The following SAMMSON variants were observed in gnomAD, a reference collection of about 807,000 sequenced individuals.
The protein encoded by SAMMSON is survival associated mitochondrial melanoma specific oncogenic non-coding RNA.
chr3:70,397,095 G>C (rs1701099130), intron 2 of SAMMSON, among the ~76,000 whole-genome samples: 1 of 152,096 alleles, frequency 6.6e-6, no homozygotes, highest in African/African-American at 2.4e-5. Context: ...CTCTTTAATA[G>C]CTAATGTAAT....
At chr3:70,356,023 A>G (rs1702826925) in intron 8 of SAMMSON, among the ~76,000 whole-genome samples, 2 of 152,196 alleles carry the variant, frequency 1.3e-5, no homozygotes, top group Admixed American at 6.6e-5. Context: ...ATCAATATAC[A>G]TCAATAGGAT....
At chr3:70,278,657 G>C (rs1324022148) in intron 6 of SAMMSON, among the ~76,000 whole-genome samples, 1 of 152,052 alleles carries the variant, frequency 6.6e-6, no homozygotes, top group Admixed American at 6.6e-5. Context: ...TGTCTTTTAT[G>C]TACAACTGAG....
rs1244409633 is a variant in SAMMSON, at chr3:70,258,101, C to T, written n.674+8431C>T. On this transcript the variant is annotated intron_variant and non_coding_transcript_variant, in intron 6 of 9. Coordinates refer to ENST00000642114, the Ensembl canonical transcript of SAMMSON. ...TCATAAGGAAAAGTTAAATGAATCC[C>T]AACTTTCATTTCACATCATAGACAA... Among the ~76,000 whole-genome samples the T allele has an allele frequency of 2.0e-5, 3 of 152,122 alleles. No homozygotes were observed. In the East Asian group the frequency reaches 5.8e-4, roughly 29 times the overall value.
At chr3:70,168,724 AATAG>A (rs1206807708) in intron 4 of SAMMSON, among the ~76,000 whole-genome samples, 2 of 151,982 alleles carry the variant, frequency 1.3e-5, no homozygotes, top group Non-Finnish European at 2.9e-5. Context: ...GAGTGTTCTC[AATAG>A]ATAGCATCTT....
rs77458393 is a variant in SAMMSON, at chr3:70,228,137, G to C, written n.508-20970G>C. ...AGTTCAACATTTAAAAGTGAAGAAG[G>C]TGGTAAGAGTTGTCTTTACTGTCCT... On this transcript the variant is annotated intron_variant and non_coding_transcript_variant, in intron 4 of 9. Transcript: ENST00000642114. Among the ~76,000 whole-genome samples the C allele has an allele frequency of 4.3e-4, 66 of 152,008 alleles. 1 individual carries two copies. The highest frequency in any genetic ancestry group is 3.9e-3 in the East Asian group (20 of 5,172).
At chr3:70,079,898 T>C (rs529464600) in intron 4 of SAMMSON, among the ~76,000 whole-genome samples, 2 of 152,254 alleles carry the variant, frequency 1.3e-5, no homozygotes, top group East Asian at 3.9e-4. Flanking sequence ...GCTAACAGCT[T>C]ATAGCTGTGC....
chr3:70,209,311 T>G (rs1701319947), intron 4 of SAMMSON, among the ~76,000 whole-genome samples: 1 of 152,074 alleles, frequency 6.6e-6, no homozygotes, highest in South Asian at 2.1e-4. Context: ...TGAAAAATGT[T>G]TGTAGATATT....
At chr3:70,289,155 C>T (rs1464445812) in intron 6 of SAMMSON, among the ~76,000 whole-genome samples, 6 of 150,070 alleles carry the variant, frequency 4.0e-5, no homozygotes, top group East Asian at 4.0e-4. Flanking sequence ...TTCCTAGTCT[C>T]GATGGTCTTT....
chr3:70,220,295 G>T (rs1313977674), intron 4 of SAMMSON, among the ~76,000 whole-genome samples: 1 of 152,088 alleles, frequency 6.6e-6, no homozygotes, highest in Non-Finnish European at 1.5e-5. Flanking sequence ...GCTAGGCTCA[G>T]TGTCTCATGC....
chr3:70,159,518 T>A (rs996259339), intron 4 of SAMMSON: 3 of 152,240 alleles, frequency 2.0e-5, no homozygotes, highest in Non-Finnish European at 4.4e-5. Context: ...ATATCAGCAG[T>A]GTACGAGAGT....
At chr3:70,428,014 T>G (rs1433839968) in intron 2 of SAMMSON, among the ~76,000 whole-genome samples, 5 of 152,130 alleles carry the variant, frequency 3.3e-5, no homozygotes, top group Admixed American at 1.3e-4. Flanking sequence ...ACAAAATATA[T>G]TAAAATACTG....
intron 2 of SAMMSON, among the ~76,000 whole-genome samples, chr3:70,414,537 C>A (rs1031630169): frequency 3.9e-5 from 6 of 152,092 alleles, no homozygotes; most frequent in African/African-American, 1.4e-4. Flanking sequence ...TCTTCCTGAT[C>A]TAAACAGTGA....
chr3:70,042,268 A>G (rs1286764403), intron 3 of SAMMSON, among the ~76,000 whole-genome samples: 1 of 152,050 alleles, frequency 6.6e-6, no homozygotes, highest in Non-Finnish European at 1.5e-5. Context: ...AATTTCCAAA[A>G]TGAGCCCTTC....
intron 3 of SAMMSON, among the ~76,000 whole-genome samples, chr3:70,045,050 T>TA (rs533411428): frequency 8.4e-6 from 1 of 118,582 alleles, no homozygotes; most frequent in Non-Finnish European, 1.6e-5. Context: ...TTAATATATA[T>TA]AATTAATTAT....
intron 4 of SAMMSON, among the ~76,000 whole-genome samples, chr3:70,144,046 T>C (rs1429128543): frequency 1.3e-5 from 2 of 152,186 alleles, no homozygotes; most frequent in Non-Finnish European, 2.9e-5. Flanking sequence ...TGCTGGAGTA[T>C]GCATTGTATG....
intron 7 of SAMMSON, among the ~76,000 whole-genome samples, chr3:70,348,862 A>T (rs1321794914): frequency 6.6e-6 from 1 of 152,036 alleles, no homozygotes; most frequent in African/African-American, 2.4e-5. Flanking sequence ...GAATGATGTG[A>T]TTCACTTTCA....
chr3:70,219,036 A>T (rs1701438650), intron 4 of SAMMSON, among the ~76,000 whole-genome samples: 1 of 152,168 alleles, frequency 6.6e-6, no homozygotes, highest in Non-Finnish European at 1.5e-5. Flanking sequence ...ATTTGTTCCA[A>T]TTTTTAGTAA....
intron 1 of SAMMSON, among the ~76,000 whole-genome samples, chr3:70,001,816 G>C (rs1198684500): frequency 6.6e-6 from 1 of 152,128 alleles, no homozygotes; most frequent in Non-Finnish European, 1.5e-5. Flanking sequence ...TATTTGAAAG[G>C]CATTACCAGA....
At chr3:70,386,562 G>T (rs1353827109) in intron 9 of SAMMSON, among the ~76,000 whole-genome samples, 2 of 152,072 alleles carry the variant, frequency 1.3e-5, no homozygotes, top group African/African-American at 4.8e-5. Flanking sequence ...TTACTGCAGG[G>T]ATTAGACTAC....
Sources: gnomAD v4.1 joint callset for allele counts (sites outside exome capture counted in the v4.1 genomes callset) on GRCh38, gnomAD v4.1.1 for gene constraint, MANE v1.5 for transcripts, NCBI Gene and HGNC (gene_info 2026-07-23, HGNC 2026-07-21) for gene names.